SLFN11: variants seen among roughly 807,000 people sequenced by gnomAD.
The protein encoded by SLFN11 is schlafen family member 11.
Under a neutral mutation model 53.4 loss-of-function variants are expected in SLFN11, and 43 were observed. That is an observed-to-expected ratio of 0.80 (90% confidence interval 0.63 to 1.04). The LOEUF (loss-of-function observed/expected upper bound fraction) is 1.04, where lower values mean the gene tolerates loss of function less well. Ranked by LOEUF, SLFN11 falls within the 50% of genes least tolerant of loss-of-function variation. The pLI is 0.00. For missense variants in SLFN11, 990 were observed against 1,079.1 expected (o/e 0.92, Z 1.16); for synonymous variants, 389 against 394.7 (o/e 0.99, Z 0.17).
Position 35,360,252 on chromosome 17 carries a change from A to G in SLFN11, c.1189T>C (p.Leu397=). 1 of 1,610,396 alleles carries G rather than the reference A, an allele frequency of 6.2e-7. No individual in the cohort carries two copies. The highest frequency in any genetic ancestry group is 8.5e-7 in the Non-Finnish European group (1 of 1,178,986). ...LEHKKELQQL[L]FSVPPGYLRY... ...GACAAACCATAATTACCTGAAAATA[A>G]AAGTTGCTGGAGTTCCTTTTTATGT... is the stretch of plus-strand genomic sequence containing the variant. Residue 397 remains leucine, a synonymous_variant, in exon 5 of 7, where the codon TTA becomes CTA. Transcript: ENST00000685675.
rs1908451698 is a variant in SLFN11, at chr17:35,363,064, A to G, written c.744T>C (p.Ile248=). 1 of 1,613,918 alleles carries G rather than the reference A, an allele frequency of 6.2e-7. No individual in the cohort carries two copies. Among genetic ancestry groups the G allele is most frequent in the African/African-American group, 1.3e-5 (1 of 74,910 alleles). Residue 248 remains isoleucine (I), a synonymous_variant, in exon 4 of 7, where the codon ATT becomes ATC. Coordinates refer to ENST00000685675, the MANE Select transcript of SLFN11 (RefSeq NM_001376007.1). ...CTTCCCTACTCTTATCATCCACTCC[A>G]ATAAAAAGATAGCCTCCTCCAGTGT... is the stretch of plus-strand genomic sequence containing the variant. ...FANTGGGYLF[I]GVDDKSREVL...
Position 35,352,271 on chromosome 17 carries a change from A to G in SLFN11, c.*85T>C, listed in dbSNP as rs1326048841. On this transcript the variant is annotated 3_prime_UTR_variant, in exon 7 of 7. Coordinates refer to ENST00000685675, the MANE Select transcript of SLFN11 (RefSeq NM_001376007.1). Reference sequence around the variant, plus strand: ...TGTGTCAGCTCCGTCCAAATCTCTGACTTGTGAACTAAAAAGAAAGGTTTC... The same window carrying G: ...TGTGTCAGCTCCGTCCAAATCTCTGGCTTGTGAACTAAAAAGAAAGGTTTC... 6.6e-7 allele frequency: 1 copy of G among 1,509,096 alleles called. No individual in the cohort carries two copies. Among genetic ancestry groups the G allele is most frequent in the Non-Finnish European group, 9.0e-7 (1 of 1,110,896 alleles). 93.5% of individuals were successfully genotyped at this position (1,509,096 alleles called of 1,614,324 possible). A position where few individuals can be genotyped will look rare whatever the true frequency, so the allele number is the denominator to read the frequency against.
chr17:35,369,160 A>C (rs762633880), intron 1 of SLFN11, among the ~76,000 whole-genome samples: 8 of 152,000 alleles, frequency 5.3e-5, no homozygotes, highest in Non-Finnish European at 1.2e-4. Context: ...CAGCTTAGCC[A>C]CAGGGGTAGA....
chr17:35,369,690 A>G (rs1909414820), intron 1 of SLFN11, among the ~76,000 whole-genome samples: 1 of 152,164 alleles, frequency 6.6e-6, no homozygotes, highest in African/African-American at 2.4e-5. Context: ...AGGAGACAAT[A>G]CAACTGATAC....
At chr17:35,365,242 G>C (rs1908809289) in intron 3 of SLFN11, among the ~76,000 whole-genome samples, 1 of 152,044 alleles carries the variant, frequency 6.6e-6, no homozygotes, top group Admixed American at 6.5e-5. Context: ...TTTGAGGTAG[G>C]AAATAAAGTC....
intron 1 of SLFN11, among the ~76,000 whole-genome samples, chr17:35,371,733 T>A (rs144232711): frequency 6.6e-6 from 1 of 152,218 alleles, no homozygotes; most frequent in East Asian, 1.9e-4. Context: ...TCAACATCAC[T>A]GATCATCAGA....
rs532707581 is a variant in SLFN11, at chr17:35,353,022, C to G, written c.2040G>C (p.Trp680Cys). The stretch of plus-strand genomic sequence containing the variant: ...GAGTGATGCTTTTTGCCTTCCCATA[C>G]CAGTCCCCATCTTCAGTACGGAAAT... ...AQNFRTEDGDWYGKAKSITRR... is the reference protein window; with the variant it reads ...AQNFRTEDGDCYGKAKSITRR... Residue 680 changes from tryptophan (W) to cysteine (C), a missense_variant, in exon 7 of 7, where the codon TGG becomes TGC. Transcript: ENST00000685675. 4 of 1,614,198 alleles carry G rather than the reference C, an allele frequency of 2.5e-6. No homozygotes were observed. In the South Asian group the frequency reaches 4.4e-5, roughly 18 times the overall value.
At position 35,357,135 on chromosome 17, in the gene SLFN11, T is replaced by TGTGC. The variant is rs1567819324; in HGVS notation, c.1199-3080_1199-3077dup. The stretch of plus-strand genomic sequence containing the variant: ...TCTGGACTATCCGTGTTGATTTTTC[T>TGTGC]GTGCGTGTGTGTGTGTGTGTGTGTG... On this transcript the variant is annotated intron_variant, in intron 5 of 6. Coordinates refer to ENST00000685675, the MANE Select transcript of SLFN11 (RefSeq NM_001376007.1). 6.0e-5 allele frequency among the ~76,000 whole-genome samples: 7 copies of TGTGC among 116,554 alleles called. No individual in the cohort carries two copies. In the South Asian group the frequency reaches 1.9e-3, roughly 32 times the overall value. 76.5% of individuals were successfully genotyped at this position (116,554 alleles called of 152,430 possible). A position where few individuals can be genotyped will look rare whatever the true frequency, so the allele number is the denominator to read the frequency against.
At chr17:35,361,343 G>A (rs1908181495) in intron 4 of SLFN11, among the ~76,000 whole-genome samples, 1 of 152,124 alleles carries the variant, frequency 6.6e-6, no homozygotes, top group Non-Finnish European at 1.5e-5. Flanking sequence ...ACATGGTGAT[G>A]AGTGGAAGAA....
rs1407891873 is a variant in SLFN11, at chr17:35,373,560, G to T, written c.-321C>A. ...AAACGCAACTCCGGAGTCCCAGGCT[G>T]GGGGCAAGGACCCTCTCTGACCTCT... On this transcript the variant is annotated 5_prime_UTR_variant, in exon 1 of 7. Coordinates refer to ENST00000685675, the MANE Select transcript of SLFN11 (RefSeq NM_001376007.1). 1 of 151,932 alleles carries T rather than the reference G, an allele frequency of 6.6e-6. No homozygotes were observed. Among genetic ancestry groups the T allele is most frequent in the Admixed American group, 6.5e-5 (1 of 15,274 alleles). 9.4% of individuals were successfully genotyped at this position (151,932 alleles called of 1,614,324 possible).
chr17:35,372,755 T>G (rs1379295301), intron 1 of SLFN11, among the ~76,000 whole-genome samples: 2 of 151,910 alleles, frequency 1.3e-5, no homozygotes, highest in Non-Finnish European at 2.9e-5. Context: ...CCCATAAACA[T>G]ATACATCTAC....
At chr17:35,361,402 G>A (rs975755564) in intron 4 of SLFN11, among the ~76,000 whole-genome samples, 4 of 151,946 alleles carry the variant, frequency 2.6e-5, no homozygotes, top group African/African-American at 9.7e-5. Flanking sequence ...AATATGAAAC[G>A]GTACTGAGGA....
In SLFN11 at chr17:35,353,063, T is replaced by C. The variant is rs1161243873; in HGVS notation, c.1999A>G (p.Ile667Val). The change falls in exon 7 of 7, where the codon ATT becomes GTT. Residue 667 changes from isoleucine (I) to valine (V), a missense_variant. Transcript: ENST00000685675. ...ENFEHIQHIV[I>V]DEAQNFRTED... The stretch of plus-strand genomic sequence containing the variant: ...GTACGGAAATTCTGAGCTTCGTCAA[T>C]GACGATGTGTTGAATGTGTTCAAAG... 1.2e-6 allele frequency: 2 copies of C among 1,614,084 alleles called. No homozygotes were observed.
Position 35,352,216 on chromosome 17 carries a change from G to A in SLFN11, c.*140C>T. On this transcript the variant is annotated 3_prime_UTR_variant, in exon 7 of 7. Coordinates refer to ENST00000685675, the MANE Select transcript of SLFN11 (RefSeq NM_001376007.1). ...GTTGGGGAAGGAACCCCTGAAAGGA[G>A]AGCCAGAAATGGGGGAGCTCCAAAC... 6.3e-6 allele frequency: 7 copies of A among 1,104,324 alleles called. No homozygotes were observed. Among genetic ancestry groups the A allele is most frequent in the Non-Finnish European group, 9.0e-6 (7 of 776,358 alleles). The allele number at this position is 1,104,324 out of a possible 1,614,324, so 68.4% of individuals were successfully genotyped here.
intron 5 of SLFN11, among the ~76,000 whole-genome samples, chr17:35,356,911 T>C (rs1907556907): frequency 6.6e-6 from 1 of 151,974 alleles, no homozygotes; most frequent in Non-Finnish European, 1.5e-5. Flanking sequence ...AATGGAGTTG[T>C]ACCAATATGG....
chr17:35,361,717 T>C (rs1374778132), intron 4 of SLFN11, among the ~76,000 whole-genome samples: 2 of 151,874 alleles, frequency 1.3e-5, no homozygotes, highest in Non-Finnish European at 2.9e-5. Context: ...GGCAGGGTAC[T>C]ATTATAAGGT....
chr17:35,366,076 T>C (rs926881051), intron 3 of SLFN11, among the ~76,000 whole-genome samples: 1 of 152,118 alleles, frequency 6.6e-6, no homozygotes, highest in Non-Finnish European at 1.5e-5. Flanking sequence ...TTCTGAATTA[T>C]TACAACATTT....
chr17:35,371,302 T>C (rs780078168), intron 1 of SLFN11, among the ~76,000 whole-genome samples: 8 of 152,046 alleles, frequency 5.3e-5, no homozygotes, highest in Non-Finnish European at 1.2e-4. Context: ...CTAACTCTTG[T>C]CACATATAAA....
At position 35,353,489 on chromosome 17, in the gene SLFN11, C is replaced by T. The variant is rs146981586; in HGVS notation, c.1769G>A (p.Arg590His). 23,783 of 1,572,568 alleles carry T rather than the reference C, an allele frequency of 0.015. 267 individuals carry two copies. Among genetic ancestry groups the T allele is most frequent in the South Asian group, 0.039 (3,409 of 88,062 alleles). The change falls in exon 6 of 7, where the codon CGC becomes CAC. Residue 590 changes from arginine (R) to histidine (H), a missense_variant. Around this residue, in one of 3 missense-constraint regions of SLFN11, gnomAD observed 156 missense variants for 241.9 expected, o/e 0.64. Transcript: ENST00000685675. ...QQYEIFSRSL[R>H]KNRELFVHGL... ...GTGGACAAACAACTCTCTGTTCTTG[C>T]GGAGGCTTCTGGAGAATATCTCATA...
Sources: gnomAD v4.1 joint callset for allele counts (sites outside exome capture counted in the v4.1 genomes callset) on GRCh38, gnomAD v4.1.1 for gene constraint, gnomAD v4.1.1 regional missense constraint, MANE v1.5 for transcripts, NCBI Gene and HGNC (gene_info 2026-07-23, HGNC 2026-07-21) for gene names.